PI4K2B: variants seen among roughly 807,000 people sequenced by gnomAD.
The protein encoded by PI4K2B is phosphatidylinositol 4-kinase type 2 beta.
In PI4K2B, 46 loss-of-function variants were observed where a neutral mutation model predicts 56.6. That is an observed-to-expected ratio of 0.81 (90% confidence interval 0.64 to 1.04). The LOEUF (loss-of-function observed/expected upper bound fraction) is 1.04, where lower values mean the gene tolerates loss of function less well. Ranked by LOEUF, PI4K2B falls within the 50% of genes least tolerant of loss-of-function variation. The pLI is 0.00. For missense variants in PI4K2B, 556 were observed against 607.7 expected (o/e 0.91, Z 0.89); for synonymous variants, 211 against 223.8 (o/e 0.94, Z 0.51).
intron 3 of PI4K2B, among the ~76,000 whole-genome samples, chr4:25,255,729 C>T (rs138494580): frequency 6.6e-6 from 1 of 152,316 alleles, no homozygotes; most frequent in African/African-American, 2.4e-5. Flanking sequence ...TCCTGAGTAG[C>T]TGGGACTACA....
intron 1 of PI4K2B, among the ~76,000 whole-genome samples, chr4:25,249,773 C>G (rs924745885): frequency 4.0e-5 from 6 of 150,144 alleles, no homozygotes; most frequent in Non-Finnish European, 8.9e-5. Context: ...ACATCCCAGA[C>G]GATGGGCGGC....
intron 5 of PI4K2B, among the ~76,000 whole-genome samples, chr4:25,259,425 C>A (rs1174079183): frequency 6.6e-6 from 1 of 152,036 alleles, no homozygotes; most frequent in Non-Finnish European, 1.5e-5. Context: ...GAGGAATTTC[C>A]TAGGGGCAGG....
intron 7 of PI4K2B, among the ~76,000 whole-genome samples, chr4:25,266,709 T>C (rs1490381198): frequency 6.6e-6 from 1 of 152,214 alleles, no homozygotes; most frequent in East Asian, 1.9e-4. Context: ...TGAAAAGGAA[T>C]TGGTAGTGGG....
chr4:25,268,469 C>G lies in PI4K2B; in HGVS notation c.1105C>G (p.Gln369Glu), dbSNP rs772528277. The G allele has an allele frequency of 1.2e-6, 2 of 1,605,122 alleles. No individual in the cohort carries two copies. The highest frequency in any genetic ancestry group is 4.5e-5 in the East Asian group (2 of 44,636). The change falls in exon 8 of 10, where the codon CAA (glutamine) becomes GAA (glutamate). Residue 369 changes from glutamine to glutamate, a missense_variant. Gln to Glu is a conservative substitution (Grantham distance 29). Coordinates refer to ENST00000264864, the MANE Select transcript of PI4K2B (RefSeq NM_018323.4). ...AYPFHWAWLP[Q>E]AKVPFSEEIR... ...TCCATTTCACTGGGCTTGGCTTCCT[C>G]AAGCAAAAGTTCCCTTTTCTGAAGA...
chr4:25,249,233 A>G (rs903344006), intron 1 of PI4K2B, among the ~76,000 whole-genome samples: 3 of 152,174 alleles, frequency 2.0e-5, no homozygotes, highest in African/African-American at 7.2e-5. Context: ...CACAGTAACA[A>G]TCTGATCTCT....
chr4:25,272,570 G>T (rs1453296940), intron 9 of PI4K2B, among the ~76,000 whole-genome samples: 1 of 152,196 alleles, frequency 6.6e-6, no homozygotes, highest in African/African-American at 2.4e-5. Context: ...GGGAGGCTGA[G>T]GCAGGAGGAT....
At chr4:25,274,998 T>A (rs1376169492) in intron 9 of PI4K2B, among the ~76,000 whole-genome samples, 2 of 152,028 alleles carry the variant, frequency 1.3e-5, no homozygotes, top group Non-Finnish European at 2.9e-5. Flanking sequence ...GAGATGGGGT[T>A]TCATCATGTT....
At chr4:25,269,874 C>A (rs1193689254) in intron 9 of PI4K2B, among the ~76,000 whole-genome samples, 2 of 151,534 alleles carry the variant, frequency 1.3e-5, no homozygotes, top group Non-Finnish European at 2.9e-5. Flanking sequence ...CCACCACACC[C>A]GGCTGATTTT....
rs1469697291 is a variant in PI4K2B, at chr4:25,277,914, A to C, written c.*727A>C. On this transcript the variant is annotated 3_prime_UTR_variant, in exon 10 of 10. Coordinates refer to ENST00000264864, the MANE Select transcript of PI4K2B (RefSeq NM_018323.4). ...GATCCCCAATATTTTGGAATACCAA[A>C]ATTGCCTTAAAAATTCCCTTCTGTT... 1.3e-5 allele frequency: 2 copies of C among 152,186 alleles called. No homozygotes were observed. The highest frequency in any genetic ancestry group is 4.8e-5 in the African/African-American group (2 of 41,460). The allele number at this position is 152,186 out of a possible 1,614,324, so 9.4% of individuals were successfully genotyped here. A position where few individuals can be genotyped will look rare whatever the true frequency, so the allele number is the denominator to read the frequency against.
chr4:25,244,845 G>C (rs895895274), intron 1 of PI4K2B, among the ~76,000 whole-genome samples: 9 of 152,136 alleles, frequency 5.9e-5, no homozygotes, highest in Non-Finnish European at 1.2e-4. Flanking sequence ...GATTGGAATA[G>C]TTGTGCTTAG....
At chr4:25,235,779 G>A (rs1016798670) in intron 1 of PI4K2B, among the ~76,000 whole-genome samples, 4 of 152,162 alleles carry the variant, frequency 2.6e-5, no homozygotes, top group African/African-American at 7.2e-5. Context: ...GTTTTTAAAA[G>A]AGCCTAAAGC....
chr4:25,242,829 C>T (rs1427380640), intron 1 of PI4K2B, among the ~76,000 whole-genome samples: 1 of 152,172 alleles, frequency 6.6e-6, no homozygotes, highest in Non-Finnish European at 1.5e-5. Context: ...CTTCCAATGC[C>T]CAGACTTCAG....
At position 25,255,224 on chromosome 4, in the gene PI4K2B, G is replaced by T. The variant is rs145564086; in HGVS notation, c.583G>T (p.Val195Leu). ...CCTTTCCGAAGCGGGTGCCTATCTT[G>T]TGGACAACAAGCTTCATCTGAGCAT... Reference protein sequence around the residue: ...GYLSEAGAYLVDNKLHLSIVP... With the variant: ...GYLSEAGAYLLDNKLHLSIVP... Residue 195 changes from valine to leucine, a missense_variant, in exon 3 of 10, where the codon GTG becomes TTG. Val to Leu is a conservative substitution (Grantham distance 32, BLOSUM62 1). Coordinates refer to ENST00000264864, the MANE Select transcript of PI4K2B (RefSeq NM_018323.4). The T allele has an allele frequency of 3.7e-6, 6 of 1,614,032 alleles. No homozygotes were observed. The highest frequency in any genetic ancestry group is 5.1e-6 in the Non-Finnish European group (6 of 1,180,022).
chr4:25,249,607 C>T (rs1483949018), intron 1 of PI4K2B, among the ~76,000 whole-genome samples: 1 of 151,506 alleles, frequency 6.6e-6, no homozygotes, highest in African/African-American at 2.4e-5. Context: ...CGGAGGGGCT[C>T]CTCACTTCTC....
At chr4:25,248,351 T>C (rs565675128) in intron 1 of PI4K2B, among the ~76,000 whole-genome samples, 1 of 152,334 alleles carries the variant, frequency 6.6e-6, no homozygotes, top group African/African-American at 2.4e-5. Flanking sequence ...ACATAATAAA[T>C]TCTGTAAGTT....
chr4:25,260,626 A>ATG, intron 6 of PI4K2B, 35 bp downstream of exon 6: 2 of 267,160 alleles, frequency 7.5e-6, no homozygotes. Flanking sequence ...ATATATATAT[A>ATG]TATATATATA....
chr4:25,273,638 G>T (rs891635482), intron 9 of PI4K2B, among the ~76,000 whole-genome samples: 39 of 152,300 alleles, frequency 2.6e-4, no homozygotes, highest in African/African-American at 7.5e-4. Flanking sequence ...CAACATTTAG[G>T]CATTGCCTCT....
At chr4:25,263,931 G>A in intron 7 of PI4K2B, 82 bp downstream of exon 7, 3 of 632,384 alleles carry the variant, frequency 4.7e-6, no homozygotes, top group East Asian at 2.7e-5. Flanking sequence ...AGATACCATA[G>A]CGGAGGAAAA....
At chr4:25,262,381 TC>T (rs1221462513) in intron 6 of PI4K2B, among the ~76,000 whole-genome samples, 2 of 152,088 alleles carry the variant, frequency 1.3e-5, no homozygotes, top group African/African-American at 4.8e-5. Flanking sequence ...TAACATAAGC[TC>T]CCCAAATTAT....
Sources: allele counts gnomAD v4.1 joint callset (sites outside exome capture counted in the v4.1 genomes callset), GRCh38; gene constraint gnomAD v4.1.1; transcripts MANE v1.5; gene names NCBI Gene and HGNC (gene_info 2026-07-23, HGNC 2026-07-21).